ZZZ3: variants seen among roughly 807,000 people sequenced by gnomAD.
The protein encoded by ZZZ3 is zinc finger ZZ-type containing 3.
Under a neutral mutation model 95.2 loss-of-function variants are expected in ZZZ3, and 22 were observed. The observed-to-expected ratio is 0.23, with a 90% confidence interval of 0.17 to 0.33. The LOEUF is 0.33. Ranked by LOEUF, ZZZ3 falls within the 10% of genes least tolerant of loss-of-function variation. The pLI, the probability that ZZZ3 is intolerant of heterozygous loss-of-function variation, is 1.00. For synonymous variants in ZZZ3, 335 were observed against 358.9 expected (o/e 0.93, Z 0.75); for missense variants, 885 against 1,066.5 (o/e 0.83, Z 2.37).
At position 77,577,779 on chromosome 1, in the gene ZZZ3, C is replaced by G. The variant is rs145228788; in HGVS notation, c.2178+995G>C. Among the ~76,000 whole-genome samples the G allele has an allele frequency of 4.9e-3, 739 of 152,290 alleles. 7 individuals are homozygous for G. The highest frequency in any genetic ancestry group is 0.017 in the African/African-American group (712 of 41,552). On this transcript the variant is annotated intron_variant, in intron 11 of 14. Coordinates refer to ENST00000370801, the MANE Select transcript of ZZZ3 (RefSeq NM_015534.6). Reference sequence around the variant, plus strand: ...GGGACTGCAGGTGCGTGCCACCACACCCGGCTAATTTTTGTATTCTTAGTA... The same window carrying G: ...GGGACTGCAGGTGCGTGCCACCACAGCCGGCTAATTTTTGTATTCTTAGTA...
At chr1:77,675,830 CATAGT>C (rs935190847) in intron 1 of ZZZ3, among the ~76,000 whole-genome samples, 50 of 152,066 alleles carry the variant, frequency 3.3e-4, no homozygotes, top group African/African-American at 1.2e-3. Flanking sequence ...AAAAAGGCAT[CATAGT>C]AAACAGTAAG....
At position 77,562,678 on chromosome 1, in the gene ZZZ3, G is replaced by A. The variant is rs531655413; in HGVS notation, c.*2962C>T. ...TAGAAGAAAATCCTACCCAAGGCAG[G>A]AAACACAAGCCTTAGTCCCAGCTTT... On this transcript the variant is annotated 3_prime_UTR_variant, in exon 15 of 15. Coordinates refer to ENST00000370801, the MANE Select transcript of ZZZ3 (RefSeq NM_015534.6). The A allele has an allele frequency of 6.6e-6, 1 of 152,268 alleles. No individual in the cohort carries two copies. Among genetic ancestry groups the A allele is most frequent in the Admixed American group, 6.5e-5 (1 of 15,286 alleles). 9.4% of individuals were successfully genotyped at this position (152,268 alleles called of 1,614,324 possible).
chr1:77,568,967 C>T (rs1163003562), intron 12 of ZZZ3, among the ~76,000 whole-genome samples: 1 of 152,136 alleles, frequency 6.6e-6, no homozygotes, highest in African/African-American at 2.4e-5. Flanking sequence ...CTCTCCTACT[C>T]AACAAGATGA....
At chr1:77,635,735 G>A (rs964504489) in intron 4 of ZZZ3, among the ~76,000 whole-genome samples, 13 of 152,082 alleles carry the variant, frequency 8.5e-5, no homozygotes, top group Middle Eastern at 3.4e-3. Context: ...GTGAAACCCC[G>A]TCTCTACTAA....
At chr1:77,611,968 A>G (rs2100736026) in intron 5 of ZZZ3, among the ~76,000 whole-genome samples, 1 of 152,164 alleles carries the variant, frequency 6.6e-6, no homozygotes, top group South Asian at 2.1e-4. Context: ...GGTAAAAATA[A>G]ATGAGACTAG....
At chr1:77,681,556 T>G (rs1672754791) in intron 1 of ZZZ3, among the ~76,000 whole-genome samples, 1 of 152,194 alleles carries the variant, frequency 6.6e-6, no homozygotes, top group African/African-American at 2.4e-5. Flanking sequence ...CAAACTCTGA[T>G]GCCAAAATTT....
At chr1:77,589,416 ATTTATTTAT>A (rs1392208624) in intron 5 of ZZZ3, among the ~76,000 whole-genome samples, 3 of 52,356 alleles carry the variant, frequency 5.7e-5, no homozygotes, top group Non-Finnish European at 1.4e-4. Context: ...GGTTGATTTT[ATTTATTTAT>A]TTATTTATTT....
intron 5 of ZZZ3, among the ~76,000 whole-genome samples, chr1:77,600,883 T>G (rs1000515574): frequency 6.6e-6 from 1 of 152,208 alleles, no homozygotes; most frequent in Non-Finnish European, 1.5e-5. Flanking sequence ...CAGTGCTCTA[T>G]AAAACCAAGA....
At chr1:77,634,007 T>C (rs1346840706) in intron 4 of ZZZ3, among the ~76,000 whole-genome samples, 7 of 151,878 alleles carry the variant, frequency 4.6e-5, no homozygotes, top group Non-Finnish European at 1.5e-5. Flanking sequence ...CTGTCTCTAC[T>C]AAAAATACAA....
chr1:77,590,030 C>A (rs977891081), intron 5 of ZZZ3, among the ~76,000 whole-genome samples: 1 of 152,084 alleles, frequency 6.6e-6, no homozygotes, highest in Non-Finnish European at 1.5e-5. Flanking sequence ...GGACACTCTG[C>A]CAAAATATCA....
chr1:77,680,451 ATCATACCTCTCAACAC>A (rs1672650859), intron 1 of ZZZ3, among the ~76,000 whole-genome samples: 1 of 152,202 alleles, frequency 6.6e-6, no homozygotes, highest in Admixed American at 6.5e-5. Context: ...TCTTTCCAAC[ATCATACCTCTCAACAC>A]TCACTTCTAT....
chr1:77,635,465 A>C (rs982699541), intron 4 of ZZZ3, among the ~76,000 whole-genome samples: 4 of 152,238 alleles, frequency 2.6e-5, no homozygotes, highest in African/African-American at 4.8e-5. Flanking sequence ...TCATTAAAAG[A>C]ACAGCTGACA....
intron 5 of ZZZ3, among the ~76,000 whole-genome samples, chr1:77,616,616 G>A (rs1666340709): frequency 6.6e-6 from 1 of 152,188 alleles, no homozygotes; most frequent in Admixed American, 6.5e-5. Context: ...TGTAATCCCA[G>A]TACTTTGGGA....
chr1:77,621,277 C>T (rs985017911), intron 5 of ZZZ3, among the ~76,000 whole-genome samples: 5 of 151,754 alleles, frequency 3.3e-5, no homozygotes, highest in Admixed American at 1.3e-4. Context: ...ACCCAAAGTT[C>T]GTGACCAGCC....
rs751396379 is a variant in ZZZ3, at chr1:77,633,073, A to C, written c.282T>G (p.Asp94Glu). ...RKRGLSSSEK[D>E]NIERQAIENC... The stretch of plus-strand genomic sequence containing the variant: ...TTTCTATAGCCTGCCTTTCTATGTT[A>C]TCCTTTTCTGAAGAAGAAAGTCCTC... The change falls in exon 5 of 15, where the codon GAT becomes GAG. Residue 94 changes from aspartate to glutamate, a missense_variant. This residue lies in a region of ZZZ3 where 556 missense variants were observed against 652.9 expected (regional missense o/e 0.85). Coordinates refer to ENST00000370801, the MANE Select transcript of ZZZ3 (RefSeq NM_015534.6). The C allele has an allele frequency of 6.2e-7, 1 of 1,613,906 alleles. No individual in the cohort carries two copies. Among genetic ancestry groups the C allele is most frequent in the South Asian group, 1.1e-5 (1 of 91,076 alleles).
chr1:77,608,414 C>T (rs1198873394), intron 5 of ZZZ3, among the ~76,000 whole-genome samples: 2 of 152,116 alleles, frequency 1.3e-5, no homozygotes, highest in African/African-American at 4.8e-5. Context: ...TGAAAATATG[C>T]TTTAAACATG....
intron 1 of ZZZ3, among the ~76,000 whole-genome samples, chr1:77,673,805 T>C (rs278861): frequency 9.9e-5 from 15 of 152,212 alleles, no homozygotes; most frequent in African/African-American, 2.9e-4. Context: ...TAAACTTAAA[T>C]TGGAATCTTT....
chr1:77,603,750 T>C (rs998555762), intron 5 of ZZZ3, among the ~76,000 whole-genome samples: 1 of 152,176 alleles, frequency 6.6e-6, no homozygotes, highest in African/African-American at 2.4e-5. Flanking sequence ...ATAAAGATTA[T>C]GAGCCACTGA....
intron 13 of ZZZ3, among the ~76,000 whole-genome samples, chr1:77,566,446 A>T (rs1421499910): frequency 6.6e-6 from 1 of 152,212 alleles, no homozygotes; most frequent in African/African-American, 2.4e-5. Flanking sequence ...TTATTTAAAA[A>T]TTTTTAAAAG....
Sources: allele counts gnomAD v4.1 joint callset (sites outside exome capture counted in the v4.1 genomes callset), GRCh38; gene constraint gnomAD v4.1.1; regional missense constraint gnomAD v4.1.1; transcripts MANE v1.5; gene names NCBI Gene and HGNC (gene_info 2026-07-23, HGNC 2026-07-21).